PSMA7: variants seen among roughly 807,000 people sequenced by gnomAD.
PSMA7 encodes proteasome subunit alpha type-7.
Under a neutral mutation model 31.3 loss-of-function variants are expected in PSMA7, and 5 were observed. The observed-to-expected ratio is 0.16, with a 90% CI of 0.08 to 0.34. PSMA7 has a LOEUF of 0.34. PSMA7 is among the 10% of genes least tolerant of loss of function. The probability of loss-of-function intolerance (pLI) is 1.00; values close to 1 mark genes in which losing one functional copy is unlikely to be tolerated. For missense variants in PSMA7, 217 were observed against 327.5 expected (o/e 0.66, Z 2.60); for synonymous variants, 155 against 121.9 (o/e 1.27, Z -1.79).
chr20:62,137,210 TTC>T (rs574577069), intron 6 of PSMA7, among the ~76,000 whole-genome samples, 152 bp downstream of exon 6: 29 of 152,226 alleles, frequency 1.9e-4, no homozygotes, highest in Non-Finnish European at 2.9e-4. Context: ...GATGGGAATC[TTC>T]TCTTTGACGT....
At position 62,142,818 on chromosome 20, in the gene PSMA7, AC is replaced by A. The variant is rs578025435; in HGVS notation, c.96+389del. On this transcript the variant is annotated intron_variant, in intron 1 of 6. Transcript: ENST00000370873. ...CAGCCCCCCAGCGAGCGCACGGCCTACCCCCCGCGCTCCGCGGCCCAGAGCG... is the reference window on the plus strand; with the variant it reads ...CAGCCCCCCAGCGAGCGCACGGCCTACCCCCGCGCTCCGCGGCCCAGAGCG... Among the ~76,000 whole-genome samples the A allele has an allele frequency of 9.1e-3, 1,387 of 151,740 alleles. 9 individuals are homozygous for A. The highest frequency in any genetic ancestry group is 0.014 in the Non-Finnish European group (962 of 67,852).
chr20:62,137,292 A>T (rs2035593417), intron 6 of PSMA7, 72 bp downstream of exon 6: 2 of 1,481,348 alleles, frequency 1.4e-6, no homozygotes, highest in Non-Finnish European at 1.9e-6. Flanking sequence ...TTTCCTTCGG[A>T]ACTGGTACTG....
At chr20:62,138,828 G>T (rs1213801323) in intron 4 of PSMA7, among the ~76,000 whole-genome samples, 3 of 152,168 alleles carry the variant, frequency 2.0e-5, no homozygotes, top group African/African-American at 7.2e-5. Flanking sequence ...AAAGTGCTGG[G>T]ATTACAGGCG....
Position 62,139,808 on chromosome 20 carries a change from G to A in PSMA7, c.321C>T (p.Ile107=), listed in dbSNP as rs200101662. ...GCTTCAGACTGGCGATGTAGCGGGT[G>A]ATGTACTCCACAGTGACCGGGTCCT... ...TVEDPVTVEY[I]TRYIASLKQR... The change falls in exon 3 of 7, where the codon ATC becomes ATT. Residue 107 remains isoleucine (I), a synonymous_variant. Coordinates refer to ENST00000370873, the MANE Select transcript of PSMA7 (RefSeq NM_002792.4). 229 of 1,614,002 alleles carry A rather than the reference G, an allele frequency of 1.4e-4. No homozygotes were observed. The highest frequency in any genetic ancestry group is 4.2e-4 in the Admixed American group (25 of 60,012).
chr20:62,137,448 A>T (rs751725308), intron 5 of PSMA7, 22 bp from the exon 6 acceptor site: 3 of 1,611,526 alleles, frequency 1.9e-6, no homozygotes, highest in Admixed American at 1.7e-5. Context: ...AGAAGACAGG[A>T]GCATTAACCA....
At chr20:62,138,446 G>T (rs370079823) in intron 4 of PSMA7, among the ~76,000 whole-genome samples, 156 bp from the exon 5 acceptor site, 3 of 152,130 alleles carry the variant, frequency 2.0e-5, no homozygotes, top group Non-Finnish European at 2.9e-5. Context: ...GCCCTGCCTC[G>T]TGGCTTCCTT....
intron 5 of PSMA7, 124 bp from the exon 6 acceptor site, chr20:62,137,550 G>C: frequency 1.1e-6 from 1 of 907,826 alleles, no homozygotes; most frequent in Non-Finnish European, 1.8e-6. Flanking sequence ...AGAGGTCCCA[G>C]CCCCCAAAAC....
chr20:62,143,123 G>T, intron 1 of PSMA7, 85 bp downstream of exon 1: 1 of 885,072 alleles, frequency 1.1e-6, no homozygotes, highest in African/African-American at 1.8e-5. Flanking sequence ...CGCCCACAGC[G>T]CCGCGCCCGG....
At chr20:62,140,969 G>C in intron 1 of PSMA7, 25 bp from the exon 2 acceptor site, 1 of 1,613,188 alleles carries the variant, frequency 6.2e-7, no homozygotes, top group South Asian at 1.1e-5. Context: ...CACAAACCAC[G>C]TAAGAAAGTG....
rs577730159 is a variant in PSMA7, at chr20:62,142,754, G to A, written c.96+454C>T. ...GCGGGTGGGGGTCCCCATAAGGGGGGTTTGAGTAGTTCGCTCCCCAGCCAC... is the reference window on the plus strand; with the variant it reads ...GCGGGTGGGGGTCCCCATAAGGGGGATTTGAGTAGTTCGCTCCCCAGCCAC... On this transcript the variant is annotated intron_variant, in intron 1 of 6. Transcript: ENST00000370873. Among the ~76,000 whole-genome samples the A allele has an allele frequency of 1.1e-3, 174 of 152,296 alleles. 3 individuals are homozygous for A. In the South Asian group the frequency reaches 0.032, roughly 28 times the overall value.
rs190240790 is a variant in PSMA7 at position 62,137,303 on chromosome 20, C to A, written c.654+61G>T. The A allele has an allele frequency of 3.1e-5, 48 of 1,542,288 alleles. No individual in the cohort carries two copies. In the African/African-American group the frequency reaches 5.7e-4, roughly 18 times the overall value. On this transcript the variant is annotated intron_variant, in intron 6 of 6. Coordinates refer to ENST00000370873, the MANE Select transcript of PSMA7 (RefSeq NM_002792.4). Reference sequence around the variant, plus strand: ...GATGTTTCCTTCGGAACTGGTACTGCTCAGCCCTGATCATGGGAGAAAACT... The same window carrying A: ...GATGTTTCCTTCGGAACTGGTACTGATCAGCCCTGATCATGGGAGAAAACT...
intron 3 of PSMA7, 186 bp downstream of exon 3, chr20:62,139,595 G>T: frequency 1.0e-6 from 1 of 962,304 alleles, no homozygotes; most frequent in Non-Finnish European, 1.6e-6. Context: ...CAGGAACTGA[G>T]AACAGAACAA....
intron 6 of PSMA7, 145 bp from the exon 7 acceptor site, chr20:62,137,094 G>A: frequency 8.5e-7 from 1 of 1,178,292 alleles, no homozygotes; most frequent in South Asian, 1.4e-5. Context: ...AGAGGATGCT[G>A]GCCTGACCTA....
intron 5 of PSMA7, 34 bp downstream of exon 5, chr20:62,138,137 C>T (rs765219402): frequency 2.5e-6 from 4 of 1,613,876 alleles, no homozygotes; most frequent in Non-Finnish European, 3.4e-6. Flanking sequence ...GTGGTATCTT[C>T]ACCACCTTGC....
At chr20:62,139,402 T>C in intron 3 of PSMA7, 1 of 701,728 alleles carries the variant, frequency 1.4e-6, no homozygotes, top group South Asian at 2.0e-5. Flanking sequence ...AGGACCAGAA[T>C]TGTGAACTCA....
rs1300556692 is a variant in PSMA7 at position 62,140,863 on chromosome 20, G to A, written c.178C>T (p.Arg60Trp). ...TTGTCATCCAAAGCACAGATCTTCC[G>A]CACTGTTCTTTCATCCTGCAGTTTG... ...VAKLQDERTVRKICALDDNVC... is the reference protein window; with the variant it reads ...VAKLQDERTVWKICALDDNVC... The change falls in exon 2 of 7, where the codon CGG becomes TGG. Residue 60 changes from arginine to tryptophan, a missense_variant. Physicochemically the swap from Arg to Trp is moderately radical, Grantham distance 101. This residue lies in a region of PSMA7 where 76 missense variants were observed against 96.5 expected (regional missense o/e 0.79). Coordinates refer to ENST00000370873, the MANE Select transcript of PSMA7 (RefSeq NM_002792.4). 3.7e-6 allele frequency: 6 copies of A among 1,614,138 alleles called. No homozygotes were observed. The highest frequency in any genetic ancestry group is 4.2e-6 in the Non-Finnish European group (5 of 1,180,026).
At chr20:62,139,278 A>G in intron 3 of PSMA7, 81 bp from the exon 4 acceptor site, 1 of 1,522,886 alleles carries the variant, frequency 6.6e-7, no homozygotes. Context: ...TGAAGATACG[A>G]ACATTTTAAA....
chr20:62,137,565 G>A, intron 5 of PSMA7, 139 bp from the exon 6 acceptor site: 1 of 791,914 alleles, frequency 1.3e-6, no homozygotes. Flanking sequence ...CAAAACCTGT[G>A]TCTTTGTCCT....
At position 62,137,358 on chromosome 20, in the gene PSMA7, G is replaced by A. The variant is rs751809338; in HGVS notation, c.654+6C>T. The stretch of plus-strand genomic sequence containing the variant: ...GGTAAAGAAAGCAGACAAACTTGGT[G>A]ATTACCTTGAGGGATTGATCTCGCC... On this transcript the variant is annotated splice_donor_region_variant and intron_variant, in intron 6 of 6. Transcript: ENST00000370873. 2 of 1,613,876 alleles carry A rather than the reference G, an allele frequency of 1.2e-6. No individual in the cohort carries two copies.
Sources: gnomAD v4.1 joint callset for allele counts (sites outside exome capture counted in the v4.1 genomes callset) on GRCh38, gnomAD v4.1.1 for gene constraint, gnomAD v4.1.1 regional missense constraint, MANE v1.5 for transcripts, NCBI Gene and HGNC (gene_info 2026-07-23, HGNC 2026-07-21) for gene names.